ADAM28: variants seen among roughly 807,000 people sequenced by gnomAD.
ADAM28 encodes disintegrin and metalloproteinase domain-containing protein 28.
Under a neutral mutation model 101.2 loss-of-function variants are expected in ADAM28, and 105 were observed. That is an observed-to-expected ratio of 1.04 (90% CI 0.89 to 1.22). The LOEUF is 1.22. Among genes scored for constraint, ADAM28 ranks in the 50% most tolerant of loss-of-function variants. ADAM28 has a pLI of 0.00. For missense variants in ADAM28, 1,028 were observed against 945.4 expected (o/e 1.09, Z -1.15); for synonymous variants, 322 against 310.6 (o/e 1.04, Z -0.39).
At chr8:24,341,423 T>C in intron 15 of ADAM28, 175 bp from the exon 16 acceptor site, 1 of 640,114 alleles carries the variant, frequency 1.6e-6, no homozygotes, top group Non-Finnish European at 2.7e-6. Context: ...AGCAATAATA[T>C]ATTGTGCTAA....
rs557044552 is a variant in ADAM28 at position 24,302,097 on chromosome 8, C to T, written c.150+2020C>T. 4.6e-5 allele frequency among the ~76,000 whole-genome samples: 7 copies of T among 152,252 alleles called. No individual in the cohort carries two copies. The South Asian group carries it at 6.2e-4, about 14-fold the overall frequency. Reference sequence around the variant, plus strand: ...TTTTTCCTGATGTTCTCCCTTGCCCCGCCGCCTACCACTCCTCAGAGTGTG... The same window carrying T: ...TTTTTCCTGATGTTCTCCCTTGCCCTGCCGCCTACCACTCCTCAGAGTGTG... On this transcript the variant is annotated intron_variant, in intron 2 of 22. Transcript: ENST00000265769.
chr8:24,306,452 G>C (rs929476712), intron 2 of ADAM28, among the ~76,000 whole-genome samples: 1 of 148,200 alleles, frequency 6.7e-6, no homozygotes, highest in Non-Finnish European at 1.5e-5. Context: ...CATTCCAACA[G>C]AATGAATCTA....
chr8:24,304,781 A>G (rs564204996), intron 2 of ADAM28, among the ~76,000 whole-genome samples: 1 of 151,714 alleles, frequency 6.6e-6, no homozygotes, highest in Non-Finnish European at 1.5e-5. Flanking sequence ...CAGGAGAATC[A>G]TTGGAAACCT....
chr8:24,310,198 A>G lies in ADAM28; in HGVS notation c.263A>G (p.Tyr88Cys). Residue 88 changes from tyrosine (Y) to cysteine (C), a missense_variant, in exon 4 of 23, where the codon TAT becomes TGT. Transcript: ENST00000265769. ...GCACCAGGCTACACGGAAACATATT[A>G]TAATTCCACTGGAAAGGAGATCACC... ...LLAPGYTETY[Y>C]NSTGKEITTS... The G allele has an allele frequency of 6.2e-7, 1 of 1,613,526 alleles. No individual in the cohort carries two copies. The highest frequency in any genetic ancestry group is 8.5e-7 in the Non-Finnish European group (1 of 1,179,638).
intron 2 of ADAM28, among the ~76,000 whole-genome samples, chr8:24,309,355 A>C (rs1490904759): frequency 3.9e-5 from 6 of 152,124 alleles, no homozygotes. Context: ...ATGTGATAGA[A>C]GTTTTTAGGC....
At chr8:24,298,464 A>G (rs1393114512) in intron 1 of ADAM28, among the ~76,000 whole-genome samples, 1 of 152,200 alleles carries the variant, frequency 6.6e-6, no homozygotes, top group Non-Finnish European at 1.5e-5. Context: ...TTTCTGAAGA[A>G]AACTTTAAAC....
At chr8:24,323,633 T>A (rs1035054811) in intron 8 of ADAM28, among the ~76,000 whole-genome samples, 2 of 151,924 alleles carry the variant, frequency 1.3e-5, no homozygotes, top group East Asian at 1.9e-4. Context: ...ACCTAAACTA[T>A]CTTAGTGTAT....
chr8:24,303,202 A>G (rs1212817073), intron 2 of ADAM28, among the ~76,000 whole-genome samples: 1 of 152,024 alleles, frequency 6.6e-6, no homozygotes. Context: ...ATGATTTGTC[A>G]TGAAATTTTT....
chr8:24,324,455 T>A (rs1812283372), intron 9 of ADAM28, among the ~76,000 whole-genome samples: 1 of 152,016 alleles, frequency 6.6e-6, no homozygotes, highest in Admixed American at 6.6e-5. Flanking sequence ...TATATGAGAC[T>A]GGAGCATGTG....
intron 15 of ADAM28, among the ~76,000 whole-genome samples, chr8:24,340,425 T>C (rs1295283846): frequency 6.6e-6 from 1 of 152,084 alleles, no homozygotes; most frequent in Non-Finnish European, 1.5e-5. Flanking sequence ...CAGGGCAGAT[T>C]CAAAAGAGGA....
At chr8:24,334,990 T>C (rs936053072) in intron 13 of ADAM28, among the ~76,000 whole-genome samples, 1 of 152,190 alleles carries the variant, frequency 6.6e-6, no homozygotes, top group Non-Finnish European at 1.5e-5. Flanking sequence ...ACTCGAGGCC[T>C]GGGAAAGTCC....
chr8:24,342,456 T>G (rs1394492018), intron 16 of ADAM28, among the ~76,000 whole-genome samples: 2 of 152,178 alleles, frequency 1.3e-5, no homozygotes, highest in Admixed American at 6.6e-5. Context: ...TCTGAACCCC[T>G]GGAGCTGAAA....
At chr8:24,336,736 G>A (rs1814141032) in intron 14 of ADAM28, among the ~76,000 whole-genome samples, 1 of 151,952 alleles carries the variant, frequency 6.6e-6, no homozygotes, top group African/African-American at 2.4e-5. Flanking sequence ...GTGACAGGGA[G>A]GAGGTGGGGA....
chr8:24,309,652 C>G (rs539076633), intron 2 of ADAM28, among the ~76,000 whole-genome samples: 1 of 152,204 alleles, frequency 6.6e-6, no homozygotes, highest in Non-Finnish European at 1.5e-5. Flanking sequence ...TCAAACGATA[C>G]TTTAAAATGC....
In ADAM28 at chr8:24,326,546, T is replaced by G. The variant is rs769539289; in HGVS notation, c.891-8T>G. 10 of 1,610,660 alleles carry G rather than the reference T, an allele frequency of 6.2e-6. No homozygotes were observed. In the Admixed American group the frequency reaches 6.7e-5, roughly 11 times the overall value. On this transcript the variant is annotated splice_polypyrimidine_tract_variant and splice_region_variant and intron_variant, in intron 9 of 22. Coordinates refer to ENST00000265769, the MANE Select transcript of ADAM28 (RefSeq NM_014265.6). ...AATTTGTTACATCAATTTATTCCTT[T>G]CTTGCAGAGCAACAGAACTTGCTGG...
rs1487238270 is a variant in ADAM28 at position 24,300,042 on chromosome 8, CT to C, written c.116del (p.Leu39ArgfsTer19). The C allele has an allele frequency of 6.2e-7, 1 of 1,613,798 alleles. No individual in the cohort carries two copies. Among genetic ancestry groups the C allele is most frequent in the Non-Finnish European group, 8.5e-7 (1 of 1,179,998 alleles). On this transcript the variant is annotated frameshift_variant, in exon 2 of 23. Coordinates refer to ENST00000265769, the MANE Select transcript of ADAM28 (RefSeq NM_014265.6). LOFTEE classifies it high-confidence loss of function. ...EVVYPIRLHP[L>X]HKREAKEPEQ... ...GGTTTATCCTATAAGACTTCATCCA[CT>C]GCATAAAAGAGAGGCCAAAGAGCCA...
intron 21 of ADAM28, 63 bp from the exon 22 acceptor site, chr8:24,353,707 T>C (rs1261376493): frequency 4.8e-6 from 5 of 1,050,746 alleles, no homozygotes; most frequent in Admixed American, 3.9e-5. Flanking sequence ...GAAATAAATA[T>C]AGCTAAGATG....
rs1229594110 is a variant in ADAM28, at chr8:24,326,267, T to C, written c.891-287T>C. Among the ~76,000 whole-genome samples, 3 of 151,966 alleles carry C rather than the reference T, an allele frequency of 2.0e-5. No individual in the cohort carries two copies. In the East Asian group the frequency reaches 5.8e-4, roughly 29 times the overall value. On this transcript the variant is annotated intron_variant, in intron 9 of 22. Coordinates refer to ENST00000265769, the MANE Select transcript of ADAM28 (RefSeq NM_014265.6). The stretch of plus-strand genomic sequence containing the variant: ...GACAGATGTTTATTAAGACCAAAAA[T>C]AGCCTTTCTTTTTCTTCACAAGGGA...
intron 2 of ADAM28, chr8:24,300,856 G>A (rs1164288300): frequency 6.6e-6 from 1 of 152,164 alleles, no homozygotes; most frequent in African/African-American, 2.4e-5. Flanking sequence ...GTGAATGCAT[G>A]TATATATGCA....
Sources: allele counts gnomAD v4.1 joint callset (sites outside exome capture counted in the v4.1 genomes callset), GRCh38; gene constraint gnomAD v4.1.1; transcripts MANE v1.5; gene names NCBI Gene and HGNC (gene_info 2026-07-23, HGNC 2026-07-21).